The following DCDC1 variants were observed in gnomAD, a reference collection of about 807,000 sequenced individuals.
DCDC1 encodes doublecortin domain-containing protein 1.
DCDC1 carries 200 observed loss-of-function variants against 178.3 expected under a neutral mutation model. The observed-to-expected ratio is 1.12, with a 90% CI of 1.00 to 1.26. The LOEUF is 1.26. Ranked by LOEUF, DCDC1 falls within the 50% of genes most tolerant of loss-of-function variation. The pLI, the probability that DCDC1 is intolerant of heterozygous loss-of-function variation, is 0.00. For missense variants in DCDC1, 1,983 were observed against 1,749.2 expected (o/e 1.13, Z -2.38); for synonymous variants, 690 against 604.8 (o/e 1.14, Z -2.07).
intron 11 of DCDC1, among the ~76,000 whole-genome samples, chr11:31,116,899 A>G (rs879259812): frequency 2.4e-4 from 37 of 152,258 alleles, no homozygotes; most frequent in Middle Eastern, 3.4e-3. Context: ...CAGAAAAGGC[A>G]TACCAAAGAA....
intron 1 of DCDC1, among the ~76,000 whole-genome samples, chr11:31,337,591 G>A (rs1950335472): frequency 1.3e-5 from 2 of 152,108 alleles, no homozygotes; most frequent in Non-Finnish European, 2.9e-5. Context: ...CTTGAGCCCA[G>A]GAGATTGAGG....
chr11:31,362,933 T>C (rs1422264356), intron 1 of DCDC1, among the ~76,000 whole-genome samples: 1 of 152,112 alleles, frequency 6.6e-6, no homozygotes, highest in East Asian at 1.9e-4. Flanking sequence ...ATGTGTTTAT[T>C]ACTAGTAAAC....
intron 9 of DCDC1, among the ~76,000 whole-genome samples, chr11:31,151,067 G>A (rs74775722): frequency 6.6e-6 from 1 of 152,138 alleles, no homozygotes; most frequent in Non-Finnish European, 1.5e-5. Flanking sequence ...TTCTGGGCAC[G>A]GCAGATACAC....
chr11:31,314,895 C>A (rs1162109280), intron 3 of DCDC1, among the ~76,000 whole-genome samples: 3 of 152,124 alleles, frequency 2.0e-5, no homozygotes, highest in Non-Finnish European at 4.4e-5. Context: ...GAATTTACAA[C>A]CCTCTTGATA....
At chr11:31,053,264 C>T (rs961094434) in intron 20 of DCDC1, among the ~76,000 whole-genome samples, 1 of 152,056 alleles carries the variant, frequency 6.6e-6, no homozygotes, top group African/African-American at 2.4e-5. Context: ...AAATACAACC[C>T]TCCTAGCTTA....
intron 10 of DCDC1, among the ~76,000 whole-genome samples, chr11:31,134,321 T>G (rs559863068): frequency 1.3e-5 from 2 of 152,190 alleles, no homozygotes; most frequent in Non-Finnish European, 2.9e-5. Flanking sequence ...ATGGGTACCA[T>G]CTACTGTGCT....
chr11:31,094,068 A>G lies in DCDC1; in HGVS notation c.2100T>C (p.Ser700=). Residue 700 remains serine, a synonymous_variant, in exon 16 of 39, where the codon AGT becomes AGC. Transcript: ENST00000684477. ...IAPSILWPVA[S]VWLITKTGMI... ...TAGGTACCTTGGTGATCAGCCACAC[A>G]CTGGCTACAGGCCACAGGATCGATG... is the stretch of plus-strand genomic sequence containing the variant. 1 of 766,204 alleles carries G rather than the reference A, an allele frequency of 1.3e-6. No individual in the cohort carries two copies. The highest frequency in any genetic ancestry group is 2.4e-5 in the East Asian group (1 of 41,220). The allele number at this position is 766,204 out of a possible 1,614,324, so 47.5% of individuals were successfully genotyped here. A position where few individuals can be genotyped will look rare whatever the true frequency, so the allele number is the denominator to read the frequency against.
intron 9 of DCDC1, among the ~76,000 whole-genome samples, chr11:31,184,194 T>C (rs557215063): frequency 5.1e-4 from 77 of 152,330 alleles, no homozygotes; most frequent in African/African-American, 1.6e-3. Context: ...GGGAAAGGAT[T>C]CCCTATTTAA....
At chr11:31,040,867 C>T (rs1272786533) in intron 20 of DCDC1, among the ~76,000 whole-genome samples, 2 of 152,172 alleles carry the variant, frequency 1.3e-5, no homozygotes, top group Admixed American at 6.5e-5. Context: ...GGGTCAATAG[C>T]ATCAATAAGT....
intron 17 of DCDC1, among the ~76,000 whole-genome samples, chr11:31,090,417 G>A (rs550894516): frequency 2.6e-5 from 4 of 152,222 alleles, no homozygotes; most frequent in African/African-American, 9.6e-5. Context: ...GTATGGCCTT[G>A]AGCAGGTGAT....
chr11:31,171,525 G>A (rs1591299595), intron 9 of DCDC1, among the ~76,000 whole-genome samples: 1 of 152,118 alleles, frequency 6.6e-6, no homozygotes, highest in East Asian at 1.9e-4. Context: ...CTCACTCAAA[G>A]ACCCAAACTG....
At chr11:31,064,329 T>G in intron 20 of DCDC1, 140 bp downstream of exon 20, 1 of 589,690 alleles carries the variant, frequency 1.7e-6, no homozygotes, top group Non-Finnish European at 3.0e-6. Flanking sequence ...TCATCAAATG[T>G]GACCCAAAAA....
intron 18 of DCDC1, among the ~76,000 whole-genome samples, chr11:31,069,234 T>C (rs1956422058): frequency 6.6e-6 from 1 of 152,160 alleles, no homozygotes; most frequent in Non-Finnish European, 1.5e-5. Flanking sequence ...AGTGATATTA[T>C]TGCACACACT....
At chr11:31,075,832 C>A (rs1956831481) in intron 18 of DCDC1, among the ~76,000 whole-genome samples, 1 of 152,130 alleles carries the variant, frequency 6.6e-6, no homozygotes, top group Admixed American at 6.5e-5. Flanking sequence ...CAGGTGTGAA[C>A]CACCATGCCT....
At chr11:30,931,280 G>T (rs947968660) in intron 22 of DCDC1, among the ~76,000 whole-genome samples, 1 of 151,898 alleles carries the variant, frequency 6.6e-6, no homozygotes, top group African/African-American at 2.4e-5. Context: ...TTTTTCTAGG[G>T]TGATAAACTT....
intron 1 of DCDC1, among the ~76,000 whole-genome samples, chr11:31,359,191 C>T (rs1951567277): frequency 6.6e-6 from 1 of 152,046 alleles, no homozygotes; most frequent in South Asian, 2.1e-4. Context: ...ACCCAAATGT[C>T]CAACAATGAT....
intron 8 of DCDC1, among the ~76,000 whole-genome samples, chr11:31,244,109 T>A (rs1415111286): frequency 6.6e-6 from 1 of 151,712 alleles, no homozygotes; most frequent in African/African-American, 2.4e-5. Flanking sequence ...AAATGATGTA[T>A]AAATCAGCCT....
intron 9 of DCDC1, among the ~76,000 whole-genome samples, chr11:31,179,888 A>G (rs1238859569): frequency 2.6e-5 from 4 of 152,248 alleles, no homozygotes; most frequent in African/African-American, 9.6e-5. Context: ...AAAATTCTCA[A>G]CAAGATATTA....
At chr11:30,924,409 A>G (rs1946466717) in intron 23 of DCDC1, among the ~76,000 whole-genome samples, 1 of 152,152 alleles carries the variant, frequency 6.6e-6, no homozygotes, top group South Asian at 2.1e-4. Flanking sequence ...ACGAAATGGT[A>G]GAAGCTTTGT....
Sources: allele counts gnomAD v4.1 joint callset (sites outside exome capture counted in the v4.1 genomes callset), GRCh38; gene constraint gnomAD v4.1.1; transcripts MANE v1.5; gene names NCBI Gene and HGNC (gene_info 2026-07-23, HGNC 2026-07-21).